Variants in ANKS1B observed in about 807,000 individuals in gnomAD.
ANKS1B encodes the protein ankyrin repeat and sterile alpha motif domain-containing protein 1B.
ANKS1B carries 36 observed loss-of-function variants against 148.3 expected under a neutral mutation model. That is an observed-to-expected ratio of 0.24 (90% CI 0.19 to 0.32). ANKS1B has a LOEUF of 0.32. Among genes scored for constraint, ANKS1B ranks in the 10% least tolerant of loss-of-function variants. The probability of loss-of-function intolerance (pLI) is 1.00; values close to 1 mark genes in which losing one functional copy is unlikely to be tolerated. For missense variants in ANKS1B, 1,157 were observed against 1,542.6 expected (o/e 0.75, Z 4.19); for synonymous variants, 542 against 560.8 (o/e 0.97, Z 0.47).
At chr12:99,589,290 G>A (rs964647129) in intron 9 of ANKS1B, among the ~76,000 whole-genome samples, 1 of 152,202 alleles carries the variant, frequency 6.6e-6, no homozygotes, top group Non-Finnish European at 1.5e-5. Context: ...AGATATGTTT[G>A]ACTGTAGAGA....
chr12:98,996,543 G>T (rs1435487030), intron 17 of ANKS1B, among the ~76,000 whole-genome samples: 1 of 151,988 alleles, frequency 6.6e-6, no homozygotes, highest in African/African-American at 2.4e-5. Flanking sequence ...AGCTGGGTGT[G>T]GTGGCTCACA....
At chr12:99,663,663 T>A (rs2098489465) in intron 8 of ANKS1B, among the ~76,000 whole-genome samples, 1 of 152,096 alleles carries the variant, frequency 6.6e-6, no homozygotes, top group Admixed American at 6.5e-5. Context: ...GTATCTGCAC[T>A]CTGAAATGAC....
At position 99,812,032 on chromosome 12, in the gene ANKS1B, T is replaced by C. The variant is rs2068435887; in HGVS notation, c.372+123A>G. ...AAAGAATTTTTCAAATTTCTCCTTT[T>C]AGGAAATTCAGCAATGGAAAGGCCT... On this transcript the variant is annotated intron_variant, in intron 3 of 26. Transcript: ENST00000683438. 4.1e-6 allele frequency: 5 copies of C among 1,207,900 alleles called. No homozygotes were observed. The East Asian group carries it at 1.2e-4, about 29-fold the overall frequency. 74.8% of individuals were successfully genotyped at this position (1,207,900 alleles called of 1,614,324 possible). A position where few individuals can be genotyped will look rare whatever the true frequency, so the allele number is the denominator to read the frequency against.
chr12:99,900,965 G>A (rs547625556), intron 1 of ANKS1B, among the ~76,000 whole-genome samples: 1 of 152,204 alleles, frequency 6.6e-6, no homozygotes, highest in African/African-American at 2.4e-5. Flanking sequence ...TTTTGTTTCT[G>A]AAGAATGAGG....
At chr12:99,378,652 C>CAAAAAAAAAAAA (rs140892353) in intron 12 of ANKS1B, among the ~76,000 whole-genome samples, 10 of 90,634 alleles carry the variant, frequency 1.1e-4, no homozygotes, top group South Asian at 4.1e-4. Context: ...GACTCCATCT[C>CAAAAAAAAAAAA]AAAAAAAAAA....
At chr12:98,822,447 T>A (rs1429083834) in intron 19 of ANKS1B, among the ~76,000 whole-genome samples, 1 of 152,086 alleles carries the variant, frequency 6.6e-6, no homozygotes, top group Non-Finnish European at 1.5e-5. Context: ...ATTTAACAAG[T>A]GGAAAAATAA....
chr12:99,077,120 C>T (rs142520247), intron 16 of ANKS1B, among the ~76,000 whole-genome samples: 5 of 152,118 alleles, frequency 3.3e-5, no homozygotes, highest in Admixed American at 3.3e-4. Flanking sequence ...TGTAAGAACC[C>T]TGGGAATACC....
chr12:99,007,904 C>G (rs1247889168), intron 17 of ANKS1B, among the ~76,000 whole-genome samples: 1 of 151,816 alleles, frequency 6.6e-6, no homozygotes, highest in Non-Finnish European at 1.5e-5. Context: ...ATGATGGGTT[C>G]TTCGAAGTCC....
At chr12:99,175,010 AT>A (rs1209784316) in intron 14 of ANKS1B, among the ~76,000 whole-genome samples, 1 of 152,172 alleles carries the variant, frequency 6.6e-6, no homozygotes, top group Non-Finnish European at 1.5e-5. Context: ...TCTAAGATAA[AT>A]TTTTAAAAAT....
rs773513071 is a variant in ANKS1B, at chr12:98,735,582, T to TC, written c.742dup (p.Glu248GlyfsTer20). The TC allele has an allele frequency of 1.4e-5, 11 of 773,572 alleles. No individual in the cohort carries two copies. In the South Asian group the frequency reaches 1.5e-4, roughly 10 times the overall value. The allele number at this position is 773,572 out of a possible 1,614,324, so 47.9% of individuals were successfully genotyped here. On this transcript the variant is annotated frameshift_variant, in exon 10 of 10. Coordinates refer to the ANKS1B transcript ENST00000341752. LOFTEE classifies it high-confidence loss of function. ...CTATCAAAATTTTCTGAGTGCCTCC[T>TC]CAGTGTGTCTCTCTGATGGTTCCTG...
At chr12:98,926,324 T>C (rs959717409) in intron 17 of ANKS1B, among the ~76,000 whole-genome samples, 2 of 152,108 alleles carry the variant, frequency 1.3e-5, no homozygotes, top group African/African-American at 4.8e-5. Flanking sequence ...CAGTGAGAGA[T>C]AACACAGAAT....
At chr12:99,253,327 C>T (rs1418502219) in intron 12 of ANKS1B, among the ~76,000 whole-genome samples, 1 of 152,170 alleles carries the variant, frequency 6.6e-6, no homozygotes, top group Non-Finnish European at 1.5e-5. Flanking sequence ...GATGTGAGAG[C>T]ACCACTTTGG....
At chr12:98,759,108 T>C (rs17815396) in intron 25 of ANKS1B, among the ~76,000 whole-genome samples, 11,461 of 152,122 alleles carry the variant, frequency 0.075, 572 homozygotes, top group Middle Eastern at 0.16. Flanking sequence ...AATTAAGAAC[T>C]GCTACATTAG....
chr12:99,149,392 A>T (rs2074221273), intron 15 of ANKS1B, among the ~76,000 whole-genome samples: 1 of 152,138 alleles, frequency 6.6e-6, no homozygotes, highest in Non-Finnish European at 1.5e-5. Context: ...GGCACTACTC[A>T]CTTTAACCTT....
intron 10 of ANKS1B, among the ~76,000 whole-genome samples, chr12:99,476,960 C>T (rs978192748): frequency 1.3e-5 from 2 of 152,110 alleles, no homozygotes; most frequent in African/African-American, 4.8e-5. Flanking sequence ...TTGAGGGCCT[C>T]AGTTTCCCAC....
At chr12:98,873,883 T>C (rs909958251) in intron 17 of ANKS1B, among the ~76,000 whole-genome samples, 4 of 151,760 alleles carry the variant, frequency 2.6e-5, no homozygotes, top group Non-Finnish European at 5.9e-5. Context: ...AGCAGCTGAG[T>C]TAATGCTAAT....
At chr12:99,661,985 G>T (rs1229052802) in intron 8 of ANKS1B, among the ~76,000 whole-genome samples, 1 of 152,144 alleles carries the variant, frequency 6.6e-6, no homozygotes, top group Non-Finnish European at 1.5e-5. Flanking sequence ...TGGAACTAGA[G>T]GACCTGCACA....
intron 17 of ANKS1B, among the ~76,000 whole-genome samples, chr12:99,027,705 C>G (rs963192750): frequency 6.6e-6 from 1 of 152,216 alleles, no homozygotes; most frequent in Non-Finnish European, 1.5e-5. Context: ...CAGAGACATG[C>G]CATCAGACAG....
At chr12:99,761,929 T>A (rs2062162742) in intron 8 of ANKS1B, among the ~76,000 whole-genome samples, 1 of 151,988 alleles carries the variant, frequency 6.6e-6, no homozygotes, top group Non-Finnish European at 1.5e-5. Context: ...ACAGTAAGAA[T>A]GCAATCCCAT....
Sources: allele counts gnomAD v4.1 joint callset (sites outside exome capture counted in the v4.1 genomes callset), GRCh38; gene constraint gnomAD v4.1.1; transcripts MANE v1.5; gene names NCBI Gene and HGNC (gene_info 2026-07-23, HGNC 2026-07-21).